ACVR2A: variants seen among roughly 807,000 people sequenced by gnomAD.
ACVR2A encodes activin receptor type-2A.
A neutral mutation model predicts 61.4 loss-of-function variants in ACVR2A; 7 were observed. That is an observed-to-expected ratio of 0.11 (90% CI 0.06 to 0.21). The LOEUF (loss-of-function observed/expected upper bound fraction) is 0.21. ACVR2A is among the 10% of genes least tolerant of loss of function. The probability of loss-of-function intolerance (pLI) is 1.00; values close to 1 mark genes in which losing one functional copy is unlikely to be tolerated. For synonymous variants in ACVR2A, 193 were observed against 208.3 expected (o/e 0.93, Z 0.63); for missense variants, 322 against 621.7 (o/e 0.52, Z 5.13).
Position 147,923,075 on chromosome 2 carries a change from C to T in ACVR2A, c.1180C>T (p.Leu394=), listed in dbSNP as rs375880414. Residue 394 remains leucine (L), a synonymous_variant, in exon 9 of 11, where the codon CTA becomes TTA. Coordinates refer to ENST00000241416, the MANE Select transcript of ACVR2A (RefSeq NM_001616.5). ...AGATATGTATGCCATGGGATTAGTC[C>T]TATGGGAACTGGCTTCTCGCTGTAC... ...RIDMYAMGLV[L]WELASRCTAA... 5.0e-6 allele frequency: 8 copies of T among 1,612,920 alleles called. No individual in the cohort carries two copies. The highest frequency in any genetic ancestry group is 3.3e-5 in the South Asian group (3 of 90,982).
intron 1 of ACVR2A, among the ~76,000 whole-genome samples, chr2:147,874,731 C>G (rs1686111684): frequency 6.6e-6 from 1 of 151,948 alleles, no homozygotes; most frequent in Non-Finnish European, 1.5e-5. Flanking sequence ...CAAGATGAAT[C>G]TACTACGCAC....
At chr2:147,897,104 G>A (rs1418136169) in intron 2 of ACVR2A, 1 of 152,464 alleles carries the variant, frequency 6.6e-6, no homozygotes, top group Non-Finnish European at 1.5e-5. Context: ...CGCCTCCCGG[G>A]TTCAAGCAAT....
intron 4 of ACVR2A, 139 bp from the exon 5 acceptor site, chr2:147,915,052 A>G (rs1300585432): frequency 1.3e-6 from 1 of 747,942 alleles, no homozygotes; most frequent in Non-Finnish European, 2.2e-6. Flanking sequence ...AATTATGGCA[A>G]CATTGAAGTT....
rs1685410991 is a variant in ACVR2A at position 147,850,225 on chromosome 2, GC to G, written c.55+5019del. On this transcript the variant is annotated intron_variant, in intron 1 of 10. Transcript: ENST00000241416. ...CCTTCTGTACTTCCTTATACTGCTT[GC>G]TTGTGGAACCCAGTTGTGGCTTAGC... 2.0e-5 allele frequency among the ~76,000 whole-genome samples: 3 copies of G among 151,868 alleles called. No homozygotes were observed. In the South Asian group the frequency reaches 6.3e-4, roughly 32 times the overall value.
intron 1 of ACVR2A, among the ~76,000 whole-genome samples, chr2:147,863,456 TTAAC>T (rs1685775999): frequency 6.6e-6 from 1 of 152,186 alleles, no homozygotes; most frequent in Admixed American, 6.5e-5. Context: ...CCACCAGAAG[TTAAC>T]TAATAATACC....
rs1379872113 is a variant in ACVR2A at position 147,928,348 on chromosome 2, T to C, written c.*1074T>C. 1 of 152,240 alleles carries C rather than the reference T, an allele frequency of 6.6e-6. No homozygotes were observed. Among genetic ancestry groups the C allele is most frequent in the Non-Finnish European group, 1.5e-5 (1 of 67,904 alleles). 9.4% of individuals were successfully genotyped at this position (152,240 alleles called of 1,614,324 possible). A position where few individuals can be genotyped will look rare whatever the true frequency, so the allele number is the denominator to read the frequency against. On this transcript the variant is annotated 3_prime_UTR_variant, in exon 11 of 11. Transcript: ENST00000241416. ...ACCAAACAGTGTGTGGGACATTCTT[T>C]ATCACTGTTTTAGGATCACCTCAGG... is the stretch of plus-strand genomic sequence containing the variant.
intron 6 of ACVR2A, among the ~76,000 whole-genome samples, chr2:147,918,185 A>T (rs1687298562): frequency 6.6e-6 from 1 of 151,342 alleles, no homozygotes; most frequent in Admixed American, 6.6e-5. Context: ...AAAAAAAAAC[A>T]AACTTGTCTT....
At chr2:147,894,444 A>G (rs889675210) in intron 1 of ACVR2A, among the ~76,000 whole-genome samples, 11 of 152,134 alleles carry the variant, frequency 7.2e-5, no homozygotes, top group Non-Finnish European at 1.2e-4. Flanking sequence ...CTTTTGTAAC[A>G]TTAAAGTCTG....
At chr2:147,920,898 A>G (rs1687363982) in intron 8 of ACVR2A, among the ~76,000 whole-genome samples, 1 of 152,142 alleles carries the variant, frequency 6.6e-6, no homozygotes, top group African/African-American at 2.4e-5. Context: ...GTATATATCC[A>G]TATGCACAGA....
intron 1 of ACVR2A, among the ~76,000 whole-genome samples, chr2:147,879,376 A>G (rs560816648): frequency 3.3e-5 from 5 of 152,338 alleles, no homozygotes; most frequent in South Asian, 4.1e-4. Flanking sequence ...TTATAATGGC[A>G]TTAATCTGTG....
intron 1 of ACVR2A, among the ~76,000 whole-genome samples, chr2:147,871,775 C>T (rs116779039): frequency 6.6e-6 from 1 of 152,006 alleles, no homozygotes; most frequent in African/African-American, 2.4e-5. Context: ...AACTTGCCTT[C>T]TACTCTTTGG....
chr2:147,864,187 A>G (rs1685795702), intron 1 of ACVR2A, among the ~76,000 whole-genome samples: 1 of 151,980 alleles, frequency 6.6e-6, no homozygotes, highest in Non-Finnish European at 1.5e-5. Context: ...GATGTAGCAT[A>G]CTTTGTTTTT....
chr2:147,845,307 C>T lies in ACVR2A; in HGVS notation c.55+100C>T, dbSNP rs534504248. The T allele has an allele frequency of 3.2e-6, 3 of 929,454 alleles. 1 individual carries two copies. In the African/African-American group the frequency reaches 5.5e-5, roughly 17 times the overall value. 57.6% of individuals were successfully genotyped at this position (929,454 alleles called of 1,614,324 possible). On this transcript the variant is annotated intron_variant, in intron 1 of 10. Transcript: ENST00000241416. ...GTTGAGTCGGAGAGTCCAGTGGAGC[C>T]TGGGGAGGTTGCCCACTCCCTGCGC... is the stretch of plus-strand genomic sequence containing the variant.
At chr2:147,902,615 A>G (rs1272293916) in intron 4 of ACVR2A, among the ~76,000 whole-genome samples, 1 of 152,010 alleles carries the variant, frequency 6.6e-6, no homozygotes, top group Non-Finnish European at 1.5e-5. Context: ...AAAAATTTCC[A>G]AAAATTCTAA....
intron 5 of ACVR2A, among the ~76,000 whole-genome samples, chr2:147,915,663 T>A (rs1687231764): frequency 6.6e-6 from 1 of 151,918 alleles, no homozygotes; most frequent in Non-Finnish European, 1.5e-5. Flanking sequence ...CCCCCTACGT[T>A]GTCAGAGAAA....
intron 1 of ACVR2A, among the ~76,000 whole-genome samples, chr2:147,893,387 A>G (rs1055977794): frequency 6.6e-6 from 1 of 152,192 alleles, no homozygotes; most frequent in African/African-American, 2.4e-5. Context: ...TCTCACGTAG[A>G]TACCTACACA....
chr2:147,863,227 C>T (rs1450622245), intron 1 of ACVR2A, among the ~76,000 whole-genome samples: 1 of 152,150 alleles, frequency 6.6e-6, no homozygotes, highest in Non-Finnish European at 1.5e-5. Context: ...AAGTTAACAG[C>T]AACTACTGTT....
intron 1 of ACVR2A, among the ~76,000 whole-genome samples, chr2:147,854,898 T>C (rs950561991): frequency 2.0e-5 from 3 of 152,176 alleles, no homozygotes; most frequent in African/African-American, 4.8e-5. Flanking sequence ...TCTTTTTTTT[T>C]TGAGACTGAG....
At chr2:147,857,588 C>G (rs1317663053) in intron 1 of ACVR2A, among the ~76,000 whole-genome samples, 2 of 147,618 alleles carry the variant, frequency 1.4e-5, no homozygotes, top group African/African-American at 5.0e-5. Flanking sequence ...TCTTCAGATT[C>G]AATGAAAGTA....
Sources: allele counts gnomAD v4.1 joint callset (sites outside exome capture counted in the v4.1 genomes callset), GRCh38; gene constraint gnomAD v4.1.1; transcripts MANE v1.5; gene names NCBI Gene and HGNC (gene_info 2026-07-23, HGNC 2026-07-21).